Variants in PARP4 observed in about 807,000 individuals in gnomAD.
The protein encoded by PARP4 is protein mono-ADP-ribosyltransferase PARP4.
Under a neutral mutation model 187.7 loss-of-function variants are expected in PARP4, and 120 were observed. The ratio of observed to expected loss-of-function variants is 0.64; its 90% CI spans 0.55 to 0.74. The LOEUF (loss-of-function observed/expected upper bound fraction) is 0.74, where lower values mean the gene tolerates loss of function less well. Ranked by LOEUF, PARP4 falls within the 30% of genes least tolerant of loss-of-function variation. The pLI, the probability that PARP4 is intolerant of heterozygous loss-of-function variation, is 0.00. For synonymous variants in PARP4, 654 were observed against 740.9 expected (o/e 0.88, Z 1.90); for missense variants, 1,836 against 2,070.5 (o/e 0.89, Z 2.20).
chr13:24,436,763 T>C (rs1870660021), intron 30 of PARP4, among the ~76,000 whole-genome samples: 1 of 152,270 alleles, frequency 6.6e-6, no homozygotes, highest in South Asian at 2.1e-4. Context: ...AATCCAGTTT[T>C]ATATGCATGT....
chr13:24,475,545 T>G lies in PARP4; in HGVS notation c.1841A>C (p.Gln614Pro). The change falls in exon 15 of 34, where the codon CAG (glutamine) becomes CCG (proline). Residue 614 changes from glutamine to proline, a missense_variant. Coordinates refer to ENST00000381989, the MANE Select transcript of PARP4 (RefSeq NM_006437.4). ...KTSSSTKAGL[Q>P]DASGNLVPLE... Reference sequence around the variant, plus strand: ...AGGAACCAAGTTCCCAGAGGCATCCTGGAGGCCGGCCTTGGTGCTGCTGGA... The same window carrying G: ...AGGAACCAAGTTCCCAGAGGCATCCGGGAGGCCGGCCTTGGTGCTGCTGGA... 1.2e-6 allele frequency: 2 copies of G among 1,614,082 alleles called. No individual in the cohort carries two copies. Among genetic ancestry groups the G allele is most frequent in the Non-Finnish European group, 1.7e-6 (2 of 1,179,904 alleles).
chr13:24,504,963 G>A (rs1869529899), intron 1 of PARP4, among the ~76,000 whole-genome samples: 1 of 150,006 alleles, frequency 6.7e-6, no homozygotes, highest in African/African-American at 2.5e-5. Flanking sequence ...CCAAAATTGT[G>A]GGATTACAGG....
Position 24,503,675 on chromosome 13 carries a change from G to A in PARP4, c.102C>T (p.Gly34=), listed in dbSNP as rs534622597. ...KKLQTDIKEN[G]GKFSFSLNPQ... ...GATTTAACGAAAAGGAAAACTTTCC[G>A]CCATTTTCCTTAATGTCAGTTTGTA... Residue 34 remains glycine, a synonymous_variant, in exon 2 of 34, where the codon GGC becomes GGT. Transcript: ENST00000381989. 4.0e-5 allele frequency: 64 copies of A among 1,613,160 alleles called. No homozygotes were observed. Among genetic ancestry groups the A allele is most frequent in the East Asian group, 2.2e-4 (10 of 44,886 alleles).
At chr13:24,458,007 C>T (rs1200210947) in intron 20 of PARP4, among the ~76,000 whole-genome samples, 1 of 151,922 alleles carries the variant, frequency 6.6e-6, no homozygotes, top group East Asian at 1.9e-4. Flanking sequence ...TGGTAGCTCA[C>T]ACCTGTCATT....
rs148860942 is a variant in PARP4 at position 24,434,610 on chromosome 13, T to C, written c.4531A>G (p.Ser1511Gly). 3 of 1,611,962 alleles carry C rather than the reference T, an allele frequency of 1.9e-6. No homozygotes were observed. In the African/African-American group the frequency reaches 4.0e-5, roughly 22 times the overall value. The change falls in exon 31 of 34, where the codon AGT (serine) becomes GGT (glycine). Residue 1511 changes from serine to glycine, a missense_variant. Ser to Gly is a moderately conservative substitution (Grantham distance 56). Transcript: ENST00000381989. ...LEESVGSLEG[S>G]RCPVFAFQSS... The stretch of plus-strand genomic sequence containing the variant: ...TGAAAAGCAAAGACAGGACATCGAC[T>C]TCCTTCGAGACTGCCTACTGATTCT...
intron 30 of PARP4, among the ~76,000 whole-genome samples, chr13:24,441,371 A>G (rs1187453944): frequency 6.6e-6 from 1 of 152,134 alleles, no homozygotes; most frequent in African/African-American, 2.4e-5. Context: ...GGTTGTCAGC[A>G]CTGTGTTGTT....
intron 25 of PARP4, 151 bp downstream of exon 25, chr13:24,449,567 A>G: frequency 2.0e-6 from 1 of 508,502 alleles, no homozygotes; most frequent in East Asian, 3.3e-5. Flanking sequence ...CCGCTGGTGC[A>G]GTCCTGAGGC....
At chr13:24,426,929 C>T (rs1380655767) in intron 32 of PARP4, among the ~76,000 whole-genome samples, 6 of 145,966 alleles carry the variant, frequency 4.1e-5, no homozygotes, top group South Asian at 4.4e-4. Context: ...AATTATAATA[C>T]GGTTAAATCA....
chr13:24,449,768 C>T lies in PARP4; in HGVS notation c.3064G>A (p.Gly1022Arg), dbSNP rs748091610. The T allele has an allele frequency of 9.3e-6, 15 of 1,610,744 alleles. No individual in the cohort carries two copies. Among genetic ancestry groups the T allele is most frequent in the East Asian group, 2.2e-5 (1 of 44,838 alleles). The change falls in exon 25 of 34, where the codon GGA (glycine) becomes AGA (arginine). Residue 1022 changes from glycine (G) to arginine (R), a missense_variant. Physicochemically the swap from Gly to Arg is moderately radical, Grantham distance 125. This residue lies in a region of PARP4 where 56 missense variants were observed against 103.7 expected (regional missense o/e 0.54). Coordinates refer to ENST00000381989, the MANE Select transcript of PARP4 (RefSeq NM_006437.4). ...TTTGCATTAAAATATTCAAATACTCCGGCACCACACTGGGACAAAATCCTT... is the reference window on the plus strand; with the variant it reads ...TTTGCATTAAAATATTCAAATACTCTGGCACCACACTGGGACAAAATCCTT... ...VLRILSQCGA[G>R]VFEYFNAKSK...
intron 32 of PARP4, among the ~76,000 whole-genome samples, chr13:24,428,708 A>G (rs1260090366): frequency 1.3e-5 from 2 of 152,122 alleles, no homozygotes; most frequent in Admixed American, 1.3e-4. Flanking sequence ...CCTGAGCTCA[A>G]ATGATCTGCC....
intron 1 of PARP4, among the ~76,000 whole-genome samples, chr13:24,512,489 C>T (rs774313961): frequency 1.6e-3 from 247 of 152,306 alleles, no homozygotes; most frequent in Non-Finnish European, 2.1e-3. Context: ...ACCAGGGCTG[C>T]GCCGCGGGGC....
intron 32 of PARP4, among the ~76,000 whole-genome samples, chr13:24,430,762 A>G (rs936619401): frequency 1.3e-5 from 2 of 152,044 alleles, no homozygotes; most frequent in African/African-American, 4.8e-5. Flanking sequence ...CCTTGTTGTC[A>G]TGATAGGAAA....
intron 24 of PARP4, among the ~76,000 whole-genome samples, chr13:24,451,299 T>A (rs1217921678): frequency 6.6e-6 from 1 of 152,176 alleles, no homozygotes; most frequent in African/African-American, 2.4e-5. Context: ...CAGGAACAAC[T>A]CCTGGTGGAG....
chr13:24,483,225 G>A (rs984938827), intron 12 of PARP4, among the ~76,000 whole-genome samples: 8 of 151,518 alleles, frequency 5.3e-5, no homozygotes, highest in South Asian at 4.2e-4. Context: ...GGTGGCTCAC[G>A]CCTGTAATCC....
intron 1 of PARP4, among the ~76,000 whole-genome samples, chr13:24,512,411 C>CG (rs1402541560): frequency 1.3e-5 from 2 of 152,252 alleles, no homozygotes; most frequent in Non-Finnish European, 2.9e-5. Flanking sequence ...CCGCACCGCA[C>CG]GGGGTGCGGA....
At chr13:24,459,366 G>T in intron 18 of PARP4, 56 bp from the exon 19 acceptor site, 1 of 1,427,976 alleles carries the variant, frequency 7.0e-7, no homozygotes, top group Non-Finnish European at 9.5e-7. Context: ...TTCACAATGA[G>T]ACTAAAGTGA....
rs183166013 is a variant in PARP4, at chr13:24,437,707, G to A, written c.3667-2233C>T. On this transcript the variant is annotated intron_variant, in intron 30 of 33. Transcript: ENST00000381989. The stretch of plus-strand genomic sequence containing the variant: ...AAGATCAAAAAATTGATTAAGTCAG[G>A]TATTGTGGAGCATCCCAGCTACTCA... Among the ~76,000 whole-genome samples the A allele has an allele frequency of 5.4e-3, 818 of 152,136 alleles. 8 individuals are homozygous for A. The highest frequency in any genetic ancestry group is 0.019 in the African/African-American group (781 of 41,502).
intron 15 of PARP4, among the ~76,000 whole-genome samples, chr13:24,473,629 T>A (rs1404487815): frequency 6.6e-6 from 1 of 152,006 alleles, no homozygotes; most frequent in Non-Finnish European, 1.5e-5. Flanking sequence ...AGAAAGAAAA[T>A]ACTCAACCCC....
At chr13:24,505,003 CTTTTT>C (rs34271210) in intron 1 of PARP4, among the ~76,000 whole-genome samples, 4 of 129,770 alleles carry the variant, frequency 3.1e-5, no homozygotes, top group Admixed American at 7.8e-5. Flanking sequence ...CACACCCCCG[CTTTTT>C]TTTTTTTTTT....
Sources: gnomAD v4.1 joint callset for allele counts (sites outside exome capture counted in the v4.1 genomes callset) on GRCh38, gnomAD v4.1.1 for gene constraint, gnomAD v4.1.1 regional missense constraint, MANE v1.5 for transcripts, NCBI Gene and HGNC (gene_info 2026-07-23, HGNC 2026-07-21) for gene names.